ARHGEF19: variants seen among roughly 807,000 people sequenced by gnomAD.
ARHGEF19 encodes the protein Rho guanine nucleotide exchange factor 19.
In ARHGEF19, 92 loss-of-function variants were observed where a neutral mutation model predicts 87.6. That is an observed-to-expected ratio of 1.05 (90% CI 0.89 to 1.25). The LOEUF (loss-of-function observed/expected upper bound fraction) is 1.25. ARHGEF19 is among the 50% of genes most tolerant of loss of function. ARHGEF19 has a pLI of 0.00. For synonymous variants in ARHGEF19, 438 were observed against 446.2 expected, an observed-to-expected ratio of 0.98 and a Z score of 0.23; for missense variants, 1,054 against 1,051.8, an observed-to-expected ratio of 1.00 and a Z score of -0.03.
chr1:16,208,646 C>T lies in ARHGEF19; in HGVS notation c.409G>A (p.Ala137Thr). 6.2e-7 allele frequency: 1 copy of T among 1,602,310 alleles called. No individual in the cohort carries two copies. The highest frequency in any genetic ancestry group is 8.5e-7 in the Non-Finnish European group (1 of 1,176,342). Residue 137 changes from alanine (A) to threonine (T), a missense_variant, in exon 2 of 16, where the codon GCC (alanine) becomes ACC (threonine). Transcript: ENST00000270747. ...RASHGSEKKS[A>T]WRKMRVYQRE... The stretch of plus-strand genomic sequence containing the variant: ...CGCCTTCCCCAGGGTGACTCACAGG[C>T]AGACTTCTTCTCCGAGCCGTGGCTG...
chr1:16,202,361 G>T (rs1310227963), intron 13 of ARHGEF19, 55 bp downstream of exon 13: 61 of 1,532,738 alleles, frequency 4.0e-5, no homozygotes, highest in Non-Finnish European at 4.6e-5. Flanking sequence ...ATGGGGACGG[G>T]GTGCCTGTCA....
At chr1:16,208,491 C>T (rs2081166630) in intron 2 of ARHGEF19, 152 bp downstream of exon 2, 1 of 1,138,602 alleles carries the variant, frequency 8.8e-7, no homozygotes, top group Non-Finnish European at 1.2e-6. Context: ...AGTCACTTGC[C>T]TTCCCTGAGC....
chr1:16,206,077 C>A lies in ARHGEF19; in HGVS notation c.1305G>T (p.Leu435=), dbSNP rs1246727694. ...PEVKSTSERF[L]QDLEQRLEAD... is the part of the protein sequence containing the mutation. ...CCTCCAGCCGCTGCTCCAGGTCCTG[C>A]AGGAACCTGAGGAGTCAGAGCCAGG... The change falls in exon 8 of 16, where the codon CTG becomes CTT. Residue 435 remains leucine (L), a synonymous_variant. Transcript: ENST00000270747. The surrounding 1 kb of genome is among the most constrained non-coding windows in gnomAD (Gnocchi z 4.6). 2 of 1,579,884 alleles carry A rather than the reference C, an allele frequency of 1.3e-6. No homozygotes were observed. Among genetic ancestry groups the A allele is most frequent in the South Asian group, 2.3e-5 (2 of 86,798 alleles).
At position 16,208,977 on chromosome 1, in the gene ARHGEF19, C is replaced by T. The variant is rs904497197; in HGVS notation, c.78G>A (p.Val26=). ...PPGTAHHPVA[V]CQQESLSFAE... ...CAAAGGACAGACTCTCCTGCTGGCACACTGCTACAGGGTGGTGGGCAGTGC... is the reference window on the plus strand; with the variant it reads ...CAAAGGACAGACTCTCCTGCTGGCATACTGCTACAGGGTGGTGGGCAGTGC... The change falls in exon 2 of 16, where the codon GTG becomes GTA. Residue 26 remains valine (V), a synonymous_variant. Transcript: ENST00000270747. 1 of 1,549,798 alleles carries T rather than the reference C, an allele frequency of 6.5e-7. No individual in the cohort carries two copies. Among genetic ancestry groups the T allele is most frequent in the Non-Finnish European group, 8.7e-7 (1 of 1,149,410 alleles).
At chr1:16,204,633 T>C in intron 12 of ARHGEF19, 126 bp downstream of exon 12, 2 of 1,192,872 alleles carry the variant, frequency 1.7e-6, no homozygotes, top group Non-Finnish European at 2.2e-6. Flanking sequence ...CAGGGTGCCC[T>C]GGCAGCATAC....
intron 14 of ARHGEF19, among the ~76,000 whole-genome samples, chr1:16,201,560 G>A (rs1166988763): frequency 6.6e-6 from 1 of 152,168 alleles, no homozygotes; most frequent in Non-Finnish European, 1.5e-5. Flanking sequence ...GGGAGGCTAC[G>A]AAGGCTTTAT....
chr1:16,199,094 C>A (rs981543877), intron 15 of ARHGEF19, 56 bp downstream of exon 15: 2 of 1,547,848 alleles, frequency 1.3e-6, no homozygotes, highest in African/African-American at 1.4e-5. Context: ...AGTCATCTAG[C>A]CACCTCCTGC....
rs1489074625 is a variant in ARHGEF19 at position 16,206,012 on chromosome 1, T to C, written c.1370A>G (p.Asp457Gly). Residue 457 changes from aspartate (D) to glycine (G), a missense_variant, in exon 8 of 16, where the codon GAC becomes GGC. Physicochemically the swap from Asp to Gly is moderately conservative, Grantham distance 94. Transcript: ENST00000270747. The surrounding 1 kb of genome is among the most constrained non-coding windows in gnomAD (Gnocchi z 4.6). ...LRFSVCDVVL[D>G]HCPAFRRVYL... ...GACTCTGCGGAAGGCCGGGCAGTGG[T>C]CCAGCACCACGTCGCACACGCTGAA... is the stretch of plus-strand genomic sequence containing the variant. 1 of 1,605,626 alleles carries C rather than the reference T, an allele frequency of 6.2e-7. No individual in the cohort carries two copies. Among genetic ancestry groups the C allele is most frequent in the Admixed American group, 1.7e-5 (1 of 58,490 alleles).
Position 16,198,573 on chromosome 1 carries a change from GC to G in ARHGEF19, c.*13del, listed in dbSNP as rs2081058844. 1 of 1,596,806 alleles carries G rather than the reference GC, an allele frequency of 6.3e-7. No homozygotes were observed. Among genetic ancestry groups the G allele is most frequent in the Non-Finnish European group, 8.5e-7 (1 of 1,170,628 alleles). On this transcript the variant is annotated 3_prime_UTR_variant, in exon 16 of 16. Transcript: ENST00000270747. The surrounding 1 kb of genome is among the most constrained non-coding windows in gnomAD (Gnocchi z 4.1). Reference sequence around the variant, plus strand: ...GCCAGGCATGGAGGTGGGGTCCTAGGCCATGGCTGCCCATCACACAGGAGCC... The same window carrying G: ...GCCAGGCATGGAGGTGGGGTCCTAGGCATGGCTGCCCATCACACAGGAGCC...
In ARHGEF19 at chr1:16,205,307, G is replaced by C. The variant is rs756605157; in HGVS notation, c.1656+44C>G. 3 of 1,612,758 alleles carry C rather than the reference G, an allele frequency of 1.9e-6. No homozygotes were observed. The highest frequency in any genetic ancestry group is 1.7e-5 in the Admixed American group (1 of 59,978). On this transcript the variant is annotated intron_variant, in intron 10 of 15. Coordinates refer to ENST00000270747, the MANE Select transcript of ARHGEF19 (RefSeq NM_153213.5). The surrounding 1 kb of genome is among the most constrained non-coding windows in gnomAD (Gnocchi z 5.8). Reference sequence around the variant, plus strand: ...TTTTAGAGACGTGCTGGGGGTCCAGGGGGGGCCTCAGGAGCCAAGCAGCCC... The same window carrying C: ...TTTTAGAGACGTGCTGGGGGTCCAGCGGGGGCCTCAGGAGCCAAGCAGCCC...
In ARHGEF19 at chr1:16,208,821, C is replaced by T. The variant is rs1212207345; in HGVS notation, c.234G>A (p.Trp78Ter). 4 of 1,612,926 alleles carry T rather than the reference C, an allele frequency of 2.5e-6. No homozygotes were observed. Among genetic ancestry groups the T allele is most frequent in the South Asian group, 2.2e-5 (2 of 90,984 alleles). The change falls in exon 2 of 16, where the codon TGG becomes TGA. Residue 78 changes from tryptophan (W) to a stop codon, truncating the protein, a stop_gained. Transcript: ENST00000270747. LOFTEE classifies it high-confidence loss of function. Reference protein sequence around the residue: ...GTPAPLQGLLWPLSPGGSDTE... With the variant: ...GTPAPLQGLL Reference sequence around the variant, plus strand: ...TATCTGAGCCTCCTGGGGATAATGGCCATAGCAACCCTTGGAGAGGGGCAG... The same window carrying T: ...TATCTGAGCCTCCTGGGGATAATGGTCATAGCAACCCTTGGAGAGGGGCAG...
intron 14 of ARHGEF19, 63 bp downstream of exon 14, chr1:16,201,719 G>T (rs2081084585): frequency 1.3e-6 from 2 of 1,545,710 alleles, no homozygotes; most frequent in African/African-American, 2.7e-5. Flanking sequence ...ACCCAGGATG[G>T]GAGGGGAGGA....
intron 14 of ARHGEF19, among the ~76,000 whole-genome samples, chr1:16,199,825 C>G (rs1287533935): frequency 3.3e-5 from 5 of 151,954 alleles, no homozygotes; most frequent in Non-Finnish European, 7.4e-5. Context: ...TCCACTTTCC[C>G]TCCCTACTCT....
intron 13 of ARHGEF19, 33 bp downstream of exon 13, chr1:16,202,382 GA>G (rs1409407491): frequency 6.4e-7 from 1 of 1,568,750 alleles, no homozygotes. Context: ...TGGGGAGGGG[GA>G]GCCTCCTCTC....
Position 16,207,523 on chromosome 1 carries a change from G to C in ARHGEF19, c.873C>G (p.Asn291Lys). Residue 291 changes from asparagine to lysine, a missense_variant and splice_region_variant, in exon 5 of 16, where the codon AAC becomes AAG. By Grantham distance (94) the Asn-to-Lys change is moderately conservative. Transcript: ENST00000270747. This position sits in a 1 kb window ranked among gnomAD's most constrained non-coding sequence, Gnocchi z 4.0. ...NERRQSRFLL[N>K]SVLYQEYSDV... ...CCCAGGGACCCCCCTCCCACGTACAGTTAAGGAGGAATCGAGACTGGCGCC... is the reference window on the plus strand; with the variant it reads ...CCCAGGGACCCCCCTCCCACGTACACTTAAGGAGGAATCGAGACTGGCGCC... 6.2e-7 allele frequency: 1 copy of C among 1,613,898 alleles called. No individual in the cohort carries two copies. The highest frequency in any genetic ancestry group is 8.5e-7 in the Non-Finnish European group (1 of 1,179,954).
intron 1 of ARHGEF19, among the ~76,000 whole-genome samples, chr1:16,209,430 G>T (rs1301155829): frequency 1.3e-5 from 2 of 152,160 alleles, no homozygotes; most frequent in East Asian, 1.9e-4. Context: ...TGAAATCGAT[G>T]ATTTTAACCA....
chr1:16,201,898 A>G (rs1251186859), intron 13 of ARHGEF19, 37 bp from the exon 14 acceptor site: 3 of 1,605,928 alleles, frequency 1.9e-6, no homozygotes. Context: ...ACAATATGCA[A>G]AGTGCAGTTG....
chr1:16,208,587 C>A, intron 2 of ARHGEF19, 56 bp downstream of exon 2: 1 of 1,525,820 alleles, frequency 6.6e-7, no homozygotes, highest in East Asian at 2.4e-5. Context: ...GCTGCCCAGC[C>A]CCTCCCCTAT....
At position 16,208,923 on chromosome 1, in the gene ARHGEF19, G is replaced by A. The variant is rs1465163914; in HGVS notation, c.132C>T (p.Ser44=). The part of the protein sequence containing the change: ...FAELPALKPP[S]PVCLDLFPVA... ...CAGGGAAAAGGTCCAGACACACTGGGCTCGGGGGCTTCAGGGCGGGCAGCT... is the reference window on the plus strand; with the variant it reads ...CAGGGAAAAGGTCCAGACACACTGGACTCGGGGGCTTCAGGGCGGGCAGCT... Residue 44 remains serine (S), a synonymous_variant, in exon 2 of 16, where the codon AGC becomes AGT. Coordinates refer to ENST00000270747, the MANE Select transcript of ARHGEF19 (RefSeq NM_153213.5). The A allele has an allele frequency of 1.4e-5, 22 of 1,586,802 alleles. No individual in the cohort carries two copies. Among genetic ancestry groups the A allele is most frequent in the Non-Finnish European group, 1.9e-5 (22 of 1,167,904 alleles).
Sources: gnomAD v4.1 joint callset for allele counts (sites outside exome capture counted in the v4.1 genomes callset) on GRCh38, gnomAD v4.1.1 for gene constraint, Gnocchi (gnomAD v3.1) non-coding constraint, MANE v1.5 for transcripts, NCBI Gene and HGNC (gene_info 2026-07-23, HGNC 2026-07-21) for gene names.